Variants in SUCLG2 observed in about 807,000 individuals in gnomAD.
The protein encoded by SUCLG2 is succinate-CoA ligase GDP-forming subunit beta.
A neutral mutation model predicts 47.9 loss-of-function variants in SUCLG2; 42 were observed. That is an observed-to-expected ratio of 0.88 (90% CI 0.69 to 1.14). The LOEUF (loss-of-function observed/expected upper bound fraction) is 1.14. SUCLG2 is among the 50% of genes most tolerant of loss of function. SUCLG2 has a pLI of 0.00. For missense variants in SUCLG2, 571 were observed against 525.9 expected (o/e 1.09, Z -0.84); for synonymous variants, 195 against 197.3 (o/e 0.99, Z 0.10).
chr3:67,614,988 A>G (rs1293546215), intron 1 of SUCLG2, among the ~76,000 whole-genome samples: 2 of 152,206 alleles, frequency 1.3e-5, no homozygotes, highest in African/African-American at 4.8e-5. Flanking sequence ...GACTTGTACA[A>G]TATCCTTGCC....
chr3:67,399,887 A>G (rs935046343), intron 10 of SUCLG2, among the ~76,000 whole-genome samples: 3 of 152,196 alleles, frequency 2.0e-5, no homozygotes, highest in Non-Finnish European at 4.4e-5. Flanking sequence ...AAGAGCATTA[A>G]AAACTCCCCC....
intron 1 of SUCLG2, among the ~76,000 whole-genome samples, chr3:67,615,534 A>T (rs938671103): frequency 2.0e-5 from 3 of 152,060 alleles, no homozygotes; most frequent in African/African-American, 7.2e-5. Context: ...ACTTACTAGT[A>T]ATCAAGAAAA....
chr3:67,571,256 C>T (rs1707599600), intron 2 of SUCLG2, among the ~76,000 whole-genome samples: 1 of 152,124 alleles, frequency 6.6e-6, no homozygotes, highest in South Asian at 2.1e-4. Flanking sequence ...TAGTACTCCA[C>T]CTCCACCCTA....
intron 2 of SUCLG2, among the ~76,000 whole-genome samples, chr3:67,577,397 G>C (rs1707769964): frequency 6.6e-6 from 1 of 152,010 alleles, no homozygotes; most frequent in South Asian, 2.1e-4. Context: ...AAAATAATTA[G>C]GACTCAGAGC....
chr3:67,600,036 T>C (rs767009358), intron 2 of SUCLG2, among the ~76,000 whole-genome samples: 11 of 152,368 alleles, frequency 7.2e-5, no homozygotes, highest in Non-Finnish European at 1.5e-4. Flanking sequence ...CTTAAAAGCA[T>C]AATTCCATAT....
chr3:67,622,463 T>C (rs751873029), intron 1 of SUCLG2, among the ~76,000 whole-genome samples: 9 of 152,208 alleles, frequency 5.9e-5, no homozygotes, highest in African/African-American at 1.9e-4. Flanking sequence ...TCATCACTTA[T>C]ACTTTACGTC....
intron 9 of SUCLG2, among the ~76,000 whole-genome samples, chr3:67,482,067 C>G (rs139497670): frequency 0.027 from 4,117 of 152,282 alleles, 95 homozygotes; most frequent in Non-Finnish European, 0.045. Context: ...GTAGTCCCAG[C>G]TACTCAGAAG....
At chr3:67,396,652 A>G (rs1419302158) in intron 10 of SUCLG2, among the ~76,000 whole-genome samples, 1 of 152,162 alleles carries the variant, frequency 6.6e-6, no homozygotes, top group Middle Eastern at 3.2e-3. Flanking sequence ...AAAAGAGGGA[A>G]TCCTCCCTAA....
intron 2 of SUCLG2, among the ~76,000 whole-genome samples, chr3:67,586,720 G>A (rs1308497152): frequency 6.6e-6 from 1 of 152,204 alleles, no homozygotes; most frequent in East Asian, 1.9e-4. Flanking sequence ...CAGTATGGTG[G>A]TTAGGAACAC....
At chr3:67,477,261 C>T (rs1704787440) in intron 9 of SUCLG2, among the ~76,000 whole-genome samples, 1 of 152,036 alleles carries the variant, frequency 6.6e-6, no homozygotes. Flanking sequence ...CTGAAAACTC[C>T]CCTCAGATGC....
At chr3:67,475,195 T>C (rs1240691767) in intron 9 of SUCLG2, among the ~76,000 whole-genome samples, 1 of 152,204 alleles carries the variant, frequency 6.6e-6, no homozygotes, top group Non-Finnish European at 1.5e-5. Context: ...TGTAGGAGAA[T>C]GTAGTTAAGT....
At chr3:67,563,356 G>C (rs896463915) in intron 2 of SUCLG2, among the ~76,000 whole-genome samples, 1 of 152,082 alleles carries the variant, frequency 6.6e-6, no homozygotes, top group Non-Finnish European at 1.5e-5. Flanking sequence ...ATGCTCTATT[G>C]TTCCTCATTC....
chr3:67,599,752 CATTTA>C (rs1204738416), intron 2 of SUCLG2, among the ~76,000 whole-genome samples: 2 of 150,794 alleles, frequency 1.3e-5, no homozygotes, highest in Non-Finnish European at 2.9e-5. Context: ...ACTTGGCTCA[CATTTA>C]ATTTGAGAGA....
intron 9 of SUCLG2, among the ~76,000 whole-genome samples, chr3:67,457,268 A>T: frequency 6.6e-6 from 1 of 152,220 alleles, no homozygotes; most frequent in East Asian, 1.9e-4. Context: ...GGAAACAGGT[A>T]AGCAATCAGT....
chr3:67,568,552 A>C (rs1575784736), intron 2 of SUCLG2, among the ~76,000 whole-genome samples: 1 of 152,204 alleles, frequency 6.6e-6, no homozygotes, highest in Non-Finnish European at 1.5e-5. Flanking sequence ...AAATCATTAA[A>C]ATTACCTTCC....
chr3:67,529,589 AG>A (rs1233310329), intron 2 of SUCLG2, among the ~76,000 whole-genome samples: 1 of 152,230 alleles, frequency 6.6e-6, no homozygotes, highest in Non-Finnish European at 1.5e-5. Flanking sequence ...GAGATGTCAA[AG>A]GGAAGACTGG....
chr3:67,613,009 C>T (rs9853025), intron 1 of SUCLG2, among the ~76,000 whole-genome samples: 2 of 152,004 alleles, frequency 1.3e-5, no homozygotes, highest in Non-Finnish European at 2.9e-5. Flanking sequence ...AAGGTATGCC[C>T]ATGGAGCTTC....
intron 1 of SUCLG2, among the ~76,000 whole-genome samples, chr3:67,637,294 A>C (rs1349488864): frequency 6.6e-6 from 1 of 152,204 alleles, no homozygotes; most frequent in African/African-American, 2.4e-5. Context: ...ACTGCCTCTA[A>C]TTAGATTCAG....
At chr3:67,490,205 G>C (rs1045841816) in intron 9 of SUCLG2, among the ~76,000 whole-genome samples, 7 of 152,108 alleles carry the variant, frequency 4.6e-5, no homozygotes, top group Non-Finnish European at 1.0e-4. Context: ...TTATACGCAT[G>C]TATCTGAAAG....
Sources: gnomAD v4.1 joint callset for allele counts (sites outside exome capture counted in the v4.1 genomes callset) on GRCh38, gnomAD v4.1.1 for gene constraint, MANE v1.5 for transcripts, NCBI Gene and HGNC (gene_info 2026-07-23, HGNC 2026-07-21) for gene names.